GOLGA3: variants seen among roughly 807,000 people sequenced by gnomAD.
The protein encoded by GOLGA3 is golgin A3, also known as golgin subfamily A member 3.
In GOLGA3, 75 loss-of-function variants were observed where a neutral mutation model predicts 169.4. The ratio of observed to expected loss-of-function variants is 0.44; its 90% CI spans 0.37 to 0.54. The LOEUF (loss-of-function observed/expected upper bound fraction) is 0.54, where lower values mean the gene tolerates loss of function less well. Ranked by LOEUF, GOLGA3 falls within the 20% of genes least tolerant of loss-of-function variation. GOLGA3 has a pLI of 0.00. For synonymous variants in GOLGA3, 824 were observed against 822.4 expected (o/e 1.00, Z -0.03); for missense variants, 1,899 against 1,930.0 (o/e 0.98, Z 0.30).
At chr12:132,827,947 A>C (rs1232295187) in intron 1 of GOLGA3, 1 of 151,138 alleles carries the variant, frequency 6.6e-6, no homozygotes, top group Non-Finnish European at 1.5e-5. Flanking sequence ...TAAATGGCTT[A>C]CACTGGCCCA....
intron 7 of GOLGA3, among the ~76,000 whole-genome samples, chr12:132,803,068 A>AAAC (rs967800557): frequency 1.0e-4 from 8 of 76,928 alleles, no homozygotes; most frequent in South Asian, 3.5e-4. Context: ...AAACAAAACA[A>AAAC]AACAACAACA....
intron 7 of GOLGA3, among the ~76,000 whole-genome samples, chr12:132,803,357 T>C (rs1021887952): frequency 1.5e-4 from 23 of 152,182 alleles, no homozygotes; most frequent in African/African-American, 5.6e-4. Flanking sequence ...TCTGTGAAAA[T>C]GGTCATGGAC....
At chr12:132,779,727 C>T (rs547363720) in intron 18 of GOLGA3, among the ~76,000 whole-genome samples, 114 of 150,762 alleles carry the variant, frequency 7.6e-4, no homozygotes, top group Non-Finnish European at 1.2e-3. Context: ...ACACCACAGC[C>T]CAGGCACACA....
intron 3 of GOLGA3, among the ~76,000 whole-genome samples, chr12:132,815,092 C>T (rs1949898308): frequency 6.6e-6 from 1 of 152,224 alleles, no homozygotes; most frequent in African/African-American, 2.4e-5. Context: ...AACATCTGAG[C>T]AGTCACCAAG....
Position 132,796,612 on chromosome 12 carries a change from T to C in GOLGA3, c.2027A>G (p.Glu676Gly), listed in dbSNP as rs1948854618. The change falls in exon 10 of 24, where the codon GAG (glutamate) becomes GGG (glycine). Residue 676 changes from glutamate (E) to glycine (G), a missense_variant. By Grantham distance (98) the Glu-to-Gly change is moderately conservative (BLOSUM62 -2). Transcript: ENST00000450791. ...CAGCCGCTCCCTCTCACCTTCAAAC[T>C]CTTCCAGCCTCCTCTGAAGGTCCTC... ...VEEDLQRRLE[E>G]FEGERERLQR... 1 of 1,613,948 alleles carries C rather than the reference T, an allele frequency of 6.2e-7. No homozygotes were observed. The highest frequency in any genetic ancestry group is 8.5e-7 in the Non-Finnish European group (1 of 1,180,006).
intron 11 of GOLGA3, 29 bp from the exon 12 acceptor site, chr12:132,791,322 A>G (rs757678242): frequency 1.5e-6 from 2 of 1,320,484 alleles, no homozygotes; most frequent in South Asian, 1.2e-5. Flanking sequence ...CAGACATTAC[A>G]CTGACGGCTC....
At chr12:132,784,095 C>G (rs749681745) in intron 16 of GOLGA3, 69 bp downstream of exon 16, 6 of 1,596,098 alleles carry the variant, frequency 3.8e-6, no homozygotes, top group East Asian at 2.2e-5. Flanking sequence ...GGGTCTCACG[C>G]GTGGCGGCAT....
intron 4 of GOLGA3, 125 bp downstream of exon 4, chr12:132,813,182 C>G: frequency 1.5e-6 from 1 of 649,858 alleles, no homozygotes; most frequent in South Asian, 1.7e-5. Context: ...ATAAAATGTG[C>G]TTGTTGCCCC....
chr12:132,819,787 C>T (rs757461255), intron 2 of GOLGA3, among the ~76,000 whole-genome samples: 48 of 152,316 alleles, frequency 3.2e-4, no homozygotes, highest in Non-Finnish European at 5.9e-4. Context: ...CACCTGTAAT[C>T]CCAGCACTTT....
intron 4 of GOLGA3, 83 bp downstream of exon 4, chr12:132,813,224 C>A: frequency 1.1e-6 from 1 of 876,346 alleles, no homozygotes; most frequent in South Asian, 1.4e-5. Context: ...AAGCCAATGG[C>A]AGGTCCCCGG....
chr12:132,810,009 C>T (rs1472983483), intron 4 of GOLGA3, among the ~76,000 whole-genome samples: 2 of 152,104 alleles, frequency 1.3e-5, no homozygotes, highest in East Asian at 1.9e-4. Context: ...CTTTGGGAGG[C>T]TGAGGCGGGC....
Position 132,791,363 on chromosome 12 carries a change from C to A in GOLGA3, c.2470-70G>T. On this transcript the variant is annotated intron_variant, in intron 11 of 23. Transcript: ENST00000450791. ...GGGGAATCTGTCTGCACAGATGTTA[C>A]ACTGAAGCCTCCAGGAGGGGAACAC... 3 of 815,306 alleles carry A rather than the reference C, an allele frequency of 3.7e-6. No homozygotes were observed. In the South Asian group the frequency reaches 4.6e-5, roughly 12 times the overall value. The allele number at this position is 815,306 out of a possible 1,614,324, so 50.5% of individuals were successfully genotyped here.
chr12:132,825,617 T>C (rs183451733), intron 1 of GOLGA3: 12 of 678,224 alleles, frequency 1.8e-5, no homozygotes, highest in African/African-American at 1.6e-4. Context: ...CTAGTCCAGC[T>C]GAAACATCTG....
At chr12:132,805,354 C>T (rs375605450) in intron 6 of GOLGA3, among the ~76,000 whole-genome samples, 677 of 20,632 alleles carry the variant, frequency 0.033, 51 homozygotes, top group Non-Finnish European at 0.051. Flanking sequence ...GACCCCCAGG[C>T]GCTCTCCCAA....
rs368535143 is a variant in GOLGA3 at position 132,818,825 on chromosome 12, A to G, written c.134-2013T>C. Among the ~76,000 whole-genome samples, 31 of 152,204 alleles carry G rather than the reference A, an allele frequency of 2.0e-4. 2 individuals are homozygous for G. Among genetic ancestry groups the G allele is most frequent in the East Asian group, 1.7e-3 (9 of 5,176 alleles). ...CACCCGTGAAGCAGAGACAGCCCAGAACCGCGCTTCTGCTTGATGACAGCC... is the reference window on the plus strand; with the variant it reads ...CACCCGTGAAGCAGAGACAGCCCAGGACCGCGCTTCTGCTTGATGACAGCC... On this transcript the variant is annotated intron_variant, in intron 2 of 23. Transcript: ENST00000450791.
chr12:132,773,660 AG>A (rs63044762), intron 23 of GOLGA3, among the ~76,000 whole-genome samples: 16,084 of 152,302 alleles, frequency 0.11, 1,123 homozygotes, highest in Non-Finnish European at 0.16. Flanking sequence ...AGGGCCTATC[AG>A]GGTAGTTTAA....
At position 132,775,126 on chromosome 12, in the gene GOLGA3, C is replaced by T. The variant is rs751847030; in HGVS notation, c.4143+15G>A. The T allele has an allele frequency of 7.5e-6, 12 of 1,609,082 alleles. No homozygotes were observed. Among genetic ancestry groups the T allele is most frequent in the Non-Finnish European group, 1.0e-5 (12 of 1,179,152 alleles). On this transcript the variant is annotated intron_variant, in intron 22 of 23. Transcript: ENST00000450791. ...CGCACGTCGGCTACCCCGGGAGGGA[C>T]GCGGGCCTGAGTACCGTCTTGGCCG...
chr12:132,787,161 T>G (rs2045944690), intron 13 of GOLGA3, among the ~76,000 whole-genome samples: 1 of 151,902 alleles, frequency 6.6e-6, no homozygotes, highest in African/African-American at 2.4e-5. Flanking sequence ...ACCATATTGG[T>G]CAGGCTAGTC....
chr12:132,825,895 T>A, intron 1 of GOLGA3: 1 of 961,528 alleles, frequency 1.0e-6, no homozygotes, highest in South Asian at 1.3e-5. Context: ...TCACTGGTGA[T>A]GTCTCCATTC....
Sources: allele counts gnomAD v4.1 joint callset (sites outside exome capture counted in the v4.1 genomes callset), GRCh38; gene constraint gnomAD v4.1.1; transcripts MANE v1.5; gene names NCBI Gene and HGNC (gene_info 2026-07-23, HGNC 2026-07-21).